Variants in MYO9A observed in about 807,000 individuals in gnomAD.
MYO9A encodes the protein myosin IXA, also known as unconventional myosin-IXa.
A neutral mutation model predicts 293.3 loss-of-function variants in MYO9A; 103 were observed. That is an observed-to-expected ratio of 0.35 (90% CI 0.30 to 0.41). The LOEUF (loss-of-function observed/expected upper bound fraction) is 0.41. Among genes scored for constraint, MYO9A ranks in the 10% least tolerant of loss-of-function variants. The pLI, the probability that MYO9A is intolerant of heterozygous loss-of-function variation, is 1.00. For missense variants in MYO9A, 2,685 were observed against 3,033.0 expected, an observed-to-expected ratio of 0.89 and a Z score of 2.69; for synonymous variants, 1,001 against 1,035.7, an observed-to-expected ratio of 0.97 and a Z score of 0.64.
At chr15:71,849,309 C>G (rs1366558731) in intron 38 of MYO9A, among the ~76,000 whole-genome samples, 3 of 152,062 alleles carry the variant, frequency 2.0e-5, no homozygotes, top group Non-Finnish European at 4.4e-5. Flanking sequence ...ATCAGCCAGG[C>G]ATGGTGGTGC....
At chr15:71,905,376 C>T (rs1209788041) in intron 19 of MYO9A, among the ~76,000 whole-genome samples, 2 of 152,140 alleles carry the variant, frequency 1.3e-5, no homozygotes, top group Non-Finnish European at 2.9e-5. Context: ...TAAGCCCTTG[C>T]TTTACTTTAA....
intron 1 of MYO9A, among the ~76,000 whole-genome samples, chr15:72,069,390 ATTTT>A (rs957821390): frequency 1.3e-5 from 2 of 152,136 alleles, no homozygotes; most frequent in Non-Finnish European, 1.5e-5. Context: ...AGGGTAGAAT[ATTTT>A]TTTGTCTTTC....
At chr15:71,945,009 CA>C (rs918950881) in intron 15 of MYO9A, among the ~76,000 whole-genome samples, 2 of 152,170 alleles carry the variant, frequency 1.3e-5, no homozygotes, top group African/African-American at 4.8e-5. Context: ...AACTCTTAAA[CA>C]TATTTGTTAA....
intron 6 of MYO9A, among the ~76,000 whole-genome samples, chr15:72,018,449 G>A (rs184736922): frequency 7.8e-4 from 119 of 152,070 alleles, no homozygotes; most frequent in South Asian, 4.8e-3. Context: ...GTAAAAGAGC[G>A]AGACTCTGTC....
At chr15:71,880,292 A>G in intron 29 of MYO9A, 43 bp downstream of exon 29, 1 of 1,533,302 alleles carries the variant, frequency 6.5e-7, no homozygotes, top group Non-Finnish European at 9.0e-7. Flanking sequence ...AGTATTCCAT[A>G]CACAGAGCTG....
intron 18 of MYO9A, among the ~76,000 whole-genome samples, chr15:71,918,949 C>G (rs1395615494): frequency 6.6e-6 from 1 of 152,064 alleles, no homozygotes; most frequent in Non-Finnish European, 1.5e-5. Context: ...ATAGCCGGGC[C>G]CTCACAAGAC....
chr15:71,918,906 A>G (rs542288911), intron 18 of MYO9A, among the ~76,000 whole-genome samples: 1 of 152,188 alleles, frequency 6.6e-6, no homozygotes, highest in Non-Finnish European at 1.5e-5. Flanking sequence ...CCTCAGAGTC[A>G]TTCCAATTTT....
chr15:71,996,746 G>A (rs2076708550), intron 9 of MYO9A, among the ~76,000 whole-genome samples: 1 of 151,894 alleles, frequency 6.6e-6, no homozygotes, highest in African/African-American at 2.4e-5. Flanking sequence ...ATTCTGCAAA[G>A]CAAATATCAT....
intron 7 of MYO9A, among the ~76,000 whole-genome samples, chr15:72,009,223 T>G (rs2077104322): frequency 6.6e-6 from 1 of 152,210 alleles, no homozygotes; most frequent in African/African-American, 2.4e-5. Flanking sequence ...TAATTTTCAT[T>G]GAACTGTAGT....
chr15:71,849,430 CAA>C (rs1019730953), intron 38 of MYO9A, among the ~76,000 whole-genome samples: 12 of 151,896 alleles, frequency 7.9e-5, no homozygotes, highest in African/African-American at 1.2e-4. Flanking sequence ...GCCTAGGCGA[CAA>C]GAGTAAAACT....
intron 6 of MYO9A, among the ~76,000 whole-genome samples, chr15:72,011,319 T>A (rs1194547151): frequency 6.6e-6 from 1 of 151,464 alleles, no homozygotes; most frequent in East Asian, 1.9e-4. Context: ...GCCTGTTACA[T>A]CTACATTAGA....
At chr15:71,863,942 T>G (rs138314744) in intron 32 of MYO9A, among the ~76,000 whole-genome samples, 225 of 152,346 alleles carry the variant, frequency 1.5e-3, no homozygotes, top group African/African-American at 4.7e-3. Context: ...CAATGAACCC[T>G]TCCTGTCCTA....
chr15:71,855,465 C>T (rs150001543), intron 34 of MYO9A, among the ~76,000 whole-genome samples: 103 of 152,284 alleles, frequency 6.8e-4, no homozygotes, highest in Non-Finnish European at 9.7e-4. Context: ...CTATAGGTTA[C>T]TTTATATCCT....
chr15:72,014,806 A>G (rs1205841494), intron 6 of MYO9A, among the ~76,000 whole-genome samples: 1 of 151,824 alleles, frequency 6.6e-6, no homozygotes, highest in Admixed American at 6.6e-5. Context: ...GGAAACAAAG[A>G]AAGAAAAGAA....
chr15:71,917,311 C>T (rs1210468898), intron 18 of MYO9A, among the ~76,000 whole-genome samples: 1 of 152,014 alleles, frequency 6.6e-6, no homozygotes, highest in Non-Finnish European at 1.5e-5. Context: ...CTGAGGTGGG[C>T]GGGTCACGAG....
At chr15:72,109,544 G>T (rs1479234653) in intron 1 of MYO9A, among the ~76,000 whole-genome samples, 1 of 152,036 alleles carries the variant, frequency 6.6e-6, no homozygotes, top group African/African-American at 2.4e-5. Context: ...AAAACAATAG[G>T]GGAGGGAAGA....
intron 39 of MYO9A, among the ~76,000 whole-genome samples, chr15:71,834,992 A>G (rs1248301792): frequency 6.6e-6 from 1 of 152,120 alleles, no homozygotes; most frequent in Non-Finnish European, 1.5e-5. Flanking sequence ...GTAGTAGTCT[A>G]ATGTAGTCCA....
At chr15:71,986,552 G>A (rs534141406) in intron 11 of MYO9A, among the ~76,000 whole-genome samples, 33 of 152,190 alleles carry the variant, frequency 2.2e-4, no homozygotes, top group African/African-American at 7.0e-4. Context: ...ATCTACTGAC[G>A]TCTTGATCCT....
chr15:72,085,849 T>C (rs935176459), intron 1 of MYO9A, among the ~76,000 whole-genome samples: 2 of 152,180 alleles, frequency 1.3e-5, no homozygotes. Context: ...TTGATTGTGG[T>C]ATATAAGGTG....
Sources: allele counts gnomAD v4.1 joint callset (sites outside exome capture counted in the v4.1 genomes callset), GRCh38; gene constraint gnomAD v4.1.1; transcripts MANE v1.5; gene names NCBI Gene and HGNC (gene_info 2026-07-23, HGNC 2026-07-21).